IGFL2: variants seen among roughly 807,000 people sequenced by gnomAD.
IGFL2 encodes the protein IGF like family member 2.
A neutral mutation model predicts 13.9 loss-of-function variants in IGFL2; 7 were observed. The ratio of observed to expected loss-of-function variants is 0.51; its 90% confidence interval spans 0.29 to 0.95. The LOEUF is 0.95. IGFL2 is among the 40% of genes least tolerant of loss of function. The pLI is 0.08. For synonymous variants in IGFL2, 55 were observed against 55.8 expected, an observed-to-expected ratio of 0.99 and a Z score of 0.07; for missense variants, 138 against 147.8, an observed-to-expected ratio of 0.93 and a Z score of 0.34.
At chr19:46,180,682 C>G in the IGFL2 span, 1 of 152,146 alleles carries the variant, frequency 6.6e-6, no homozygotes, top group Non-Finnish European at 1.5e-5. Context: ...CAGTCTGAGT[C>G]CCAAAACCTG....
chr19:46,082,710 ATCT>A, the IGFL2 span, among the ~76,000 whole-genome samples: 1 of 151,086 alleles, frequency 6.6e-6, no homozygotes, highest in Non-Finnish European at 1.5e-5. Flanking sequence ...TGCAGCCTTG[ATCT>A]TCTGGGCTGA....
At chr19:46,090,711 C>T in the IGFL2 span, among the ~76,000 whole-genome samples, 1 of 152,338 alleles carries the variant, frequency 6.6e-6, no homozygotes, top group East Asian at 1.9e-4. Flanking sequence ...TGCCTGCCTA[C>T]TGCCAAGATT....
chr19:46,088,261 T>C, the IGFL2 span, among the ~76,000 whole-genome samples: 1 of 152,240 alleles, frequency 6.6e-6, no homozygotes, highest in Non-Finnish European at 1.5e-5. Flanking sequence ...AAGTACCCAG[T>C]GCATCTAGTC....
chr19:46,148,262 A>G lies in IGFL2; in HGVS notation c.-17A>G. On this transcript the variant is annotated 5_prime_UTR_variant, in exon 1 of 4. Transcript: ENST00000377693. ...CCATTTGCACTGCTGCTGTCCCATC[A>G]GCTGCTCTGAAGCTCCATGGTGCCC... 1 of 1,551,358 alleles carries G rather than the reference A, an allele frequency of 6.4e-7. No individual in the cohort carries two copies. The highest frequency in any genetic ancestry group is 8.7e-7 in the Non-Finnish European group (1 of 1,146,702).
the IGFL2 span, among the ~76,000 whole-genome samples, chr19:46,184,220 A>G: frequency 6.6e-6 from 1 of 152,102 alleles, no homozygotes; most frequent in Non-Finnish European, 1.5e-5. Context: ...GTTCAAAATT[A>G]TATGTGCCTC....
At chr19:46,214,255 G>A in the IGFL2 span, 1 of 152,298 alleles carries the variant, frequency 6.6e-6, no homozygotes, top group African/African-American at 2.4e-5. Flanking sequence ...CGGGGCTCTG[G>A]GTTCCCGCCC....
chr19:46,169,938 A>G, the IGFL2 span, among the ~76,000 whole-genome samples: 2 of 152,028 alleles, frequency 1.3e-5, no homozygotes, highest in African/African-American at 4.8e-5. Flanking sequence ...TTTCAAATAA[A>G]TGGTACCTAG....
chr19:46,194,094 C>T, the IGFL2 span, among the ~76,000 whole-genome samples: 79 of 152,126 alleles, frequency 5.2e-4, no homozygotes, highest in South Asian at 3.1e-3. Flanking sequence ...CTGGGCTCTA[C>T]GGGACACAGG....
the IGFL2 span, chr19:46,180,493 A>G: frequency 6.6e-6 from 1 of 152,174 alleles, no homozygotes; most frequent in African/African-American, 2.4e-5. Context: ...TGATAATTTT[A>G]AAATAGCCTT....
the IGFL2 span, among the ~76,000 whole-genome samples, chr19:46,187,145 G>A: frequency 6.6e-6 from 1 of 152,168 alleles, no homozygotes; most frequent in African/African-American, 2.4e-5. Context: ...TACCTGATCA[G>A]AGATGGTGAG....
chr19:46,124,049 A>G, the IGFL2 span: 5 of 1,611,606 alleles, frequency 3.1e-6, no homozygotes, highest in African/African-American at 5.4e-5. Context: ...GTCTCCTTTA[A>G]GGATAAGATG....
chr19:46,176,657 A>T, the IGFL2 span, among the ~76,000 whole-genome samples: 1 of 152,120 alleles, frequency 6.6e-6, no homozygotes, highest in African/African-American at 2.4e-5. Flanking sequence ...GATGCCAGGG[A>T]TCTACACATG....
chr19:46,170,342 T>C, the IGFL2 span, among the ~76,000 whole-genome samples: 1 of 152,228 alleles, frequency 6.6e-6, no homozygotes, highest in African/African-American at 2.4e-5. Flanking sequence ...CCCCAATCAA[T>C]ACTCTTATAA....
chr19:46,146,081 G>A (rs1376248132), upstream of IGFL2, among the ~76,000 whole-genome samples: 2 of 151,524 alleles, frequency 1.3e-5, no homozygotes, highest in Non-Finnish European at 2.9e-5. Context: ...CTTGAAATAC[G>A]TAGTTTTACT....
chr19:46,161,888 T>C (rs1364891479), downstream of IGFL2, among the ~76,000 whole-genome samples: 7 of 152,184 alleles, frequency 4.6e-5, no homozygotes, highest in African/African-American at 1.7e-4. Context: ...TGTTGGCTTG[T>C]TTGTGTGGTT....
chr19:46,183,672 A>G, the IGFL2 span, among the ~76,000 whole-genome samples: 1 of 151,646 alleles, frequency 6.6e-6, no homozygotes, highest in Non-Finnish European at 1.5e-5. Context: ...AGTAGCTGGG[A>G]TTACAGGTGC....
chr19:46,155,355 G>C (rs1478356038), intron 1 of IGFL2, among the ~76,000 whole-genome samples: 1 of 152,298 alleles, frequency 6.6e-6, no homozygotes, highest in Non-Finnish European at 1.5e-5. Flanking sequence ...TGACTACCCA[G>C]CATAGAGCTT....
chr19:46,080,745 T>G, the IGFL2 span, among the ~76,000 whole-genome samples: 1 of 152,208 alleles, frequency 6.6e-6, no homozygotes, highest in African/African-American at 2.4e-5. Context: ...CAGTGTTGAC[T>G]AGGAAAAGGA....
the IGFL2 span, chr19:46,212,040 A>T: frequency 1.4e-5 from 2 of 139,274 alleles, no homozygotes; most frequent in African/African-American, 2.6e-5. Flanking sequence ...ACACTGTCCC[A>T]TTTCTTAATC....
Sources: gnomAD v4.1 joint callset for allele counts (sites outside exome capture counted in the v4.1 genomes callset) on GRCh38, gnomAD v4.1.1 for gene constraint, MANE v1.5 for transcripts, NCBI Gene and HGNC (gene_info 2026-07-23, HGNC 2026-07-21) for gene names.